COPZ1: variants seen among roughly 807,000 people sequenced by gnomAD.
COPZ1 encodes coat protein complex I subunit zeta 1.
In COPZ1, 4 loss-of-function variants were observed where a neutral mutation model predicts 31.7. The observed-to-expected ratio is 0.13, with a 90% confidence interval of 0.06 to 0.29. COPZ1 has a LOEUF of 0.29. COPZ1 is among the 10% of genes least tolerant of loss of function. The pLI, the probability that COPZ1 is intolerant of heterozygous loss-of-function variation, is 1.00. For missense variants in COPZ1, 156 were observed against 211.5 expected (o/e 0.74, Z 1.63); for synonymous variants, 74 against 79.0 (o/e 0.94, Z 0.33).
chr12:54,326,362 G>T (rs184603330), intron 1 of COPZ1, among the ~76,000 whole-genome samples: 1 of 145,226 alleles, frequency 6.9e-6, no homozygotes, highest in East Asian at 2.0e-4. Flanking sequence ...GGATGGTCTC[G>T]ATCTCCTGAC....
At chr12:54,338,837 C>T (rs1953918495) in intron 1 of COPZ1, among the ~76,000 whole-genome samples, 1 of 151,970 alleles carries the variant, frequency 6.6e-6, no homozygotes, top group Admixed American at 6.6e-5. Flanking sequence ...AGACTGGGTT[C>T]CTTTTACTTC....
chr12:54,347,434 G>GT (rs150396416), intron 5 of COPZ1, among the ~76,000 whole-genome samples: 1,729 of 152,198 alleles, frequency 0.011, 45 homozygotes, highest in African/African-American at 0.04. Flanking sequence ...TGTTTATATT[G>GT]TTTTTTTCCA....
intron 1 of COPZ1, among the ~76,000 whole-genome samples, chr12:54,338,398 A>G (rs1289500312): frequency 1.3e-5 from 2 of 152,124 alleles, no homozygotes; most frequent in African/African-American, 4.8e-5. Flanking sequence ...TCTACTTGTG[A>G]CCTTTTAAGA....
At position 54,328,338 on chromosome 12, in the gene COPZ1, G is replaced by A. The variant is rs1407806520; in HGVS notation, c.18+3157G>A. On this transcript the variant is annotated intron_variant, in intron 1 of 8. Coordinates refer to ENST00000262061, the MANE Select transcript of COPZ1 (RefSeq NM_016057.3). ...TGTAAATCCAGCACTTTGGGAGGCC[G>A]AGGTGGGCGGATCACGAGGTCAGGA... Among the ~76,000 whole-genome samples, 4 of 151,130 alleles carry A rather than the reference G, an allele frequency of 2.6e-5. No individual in the cohort carries two copies. In the South Asian group the frequency reaches 8.3e-4, roughly 32 times the overall value.
intron 8 of COPZ1, chr12:54,350,034 A>G (rs1273076160): frequency 3.3e-6 from 2 of 597,292 alleles, no homozygotes; most frequent in Admixed American, 5.9e-5. Context: ...CTGGAAATGC[A>G]TATTCTAGAA....
At chr12:54,329,476 C>A (rs1019427323) in intron 1 of COPZ1, among the ~76,000 whole-genome samples, 1 of 151,998 alleles carries the variant, frequency 6.6e-6, no homozygotes, top group Admixed American at 6.6e-5. Context: ...CCCAGCTACA[C>A]GGGAGACTGA....
At chr12:54,345,639 G>C (rs1023710595) in intron 5 of COPZ1, 124 bp downstream of exon 5, 1 of 729,696 alleles carries the variant, frequency 1.4e-6, no homozygotes, top group Non-Finnish European at 2.3e-6. Flanking sequence ...ATTGGCAAAG[G>C]CTCCAGGGAG....
At chr12:54,331,328 C>T (rs951024457) in intron 1 of COPZ1, among the ~76,000 whole-genome samples, 2 of 151,836 alleles carry the variant, frequency 1.3e-5, no homozygotes, top group African/African-American at 4.8e-5. Context: ...TTACAGGCCC[C>T]CACCACCATG....
In COPZ1 at chr12:54,325,159, G is replaced by A. The variant is rs770105183; in HGVS notation, c.-5G>A. On this transcript the variant is annotated 5_prime_UTR_variant, in exon 1 of 9. Coordinates refer to ENST00000262061, the MANE Select transcript of COPZ1 (RefSeq NM_016057.3). ...GCTCCACGTCGGCACCAGCTGCGGG[G>A]CAAGATGGAGGCGCTGATTTTGGTA... 6.4e-7 allele frequency: 1 copy of A among 1,563,090 alleles called. No individual in the cohort carries two copies. The highest frequency in any genetic ancestry group is 1.2e-5 in the South Asian group (1 of 84,896).
chr12:54,335,650 G>T (rs1039620254), intron 1 of COPZ1, among the ~76,000 whole-genome samples: 1 of 151,566 alleles, frequency 6.6e-6, no homozygotes. Context: ...AGTAGACAAT[G>T]AAGAACTTTT....
rs745754805 is a variant in COPZ1, at chr12:54,350,504, A to C, written c.515A>C (p.Lys172Thr). ...QVLQSAKEQI[K>T]WSLLR Reference sequence around the variant, plus strand: ...CTGCAGTCAGCCAAAGAACAGATCAAGTGGTCACTCCTTCGGTGAAGACCT... The same window carrying C: ...CTGCAGTCAGCCAAAGAACAGATCACGTGGTCACTCCTTCGGTGAAGACCT... Residue 172 changes from lysine to threonine, a missense_variant, in exon 9 of 9, where the codon AAG becomes ACG. Physicochemically the swap from Lys to Thr is moderately conservative, Grantham distance 78 (BLOSUM62 -1). Coordinates refer to ENST00000262061, the MANE Select transcript of COPZ1 (RefSeq NM_016057.3). 1 of 1,614,126 alleles carries C rather than the reference A, an allele frequency of 6.2e-7. No individual in the cohort carries two copies. Among genetic ancestry groups the C allele is most frequent in the East Asian group, 2.2e-5 (1 of 44,890 alleles).
intron 1 of COPZ1, among the ~76,000 whole-genome samples, chr12:54,325,950 T>C (rs1300412168): frequency 1.4e-5 from 2 of 147,780 alleles, no homozygotes; most frequent in African/African-American, 2.5e-5. Flanking sequence ...TCCCGCGTAG[T>C]TGGGACTATA....
At chr12:54,345,357 A>C (rs1565596279) in intron 4 of COPZ1, 103 bp from the exon 5 acceptor site, 2 of 772,556 alleles carry the variant, frequency 2.6e-6, no homozygotes, top group Non-Finnish European at 4.4e-6. Flanking sequence ...CCTTTGTGAA[A>C]GCCTGTGTCT....
At chr12:54,348,892 G>T (rs1027245162) in intron 7 of COPZ1, among the ~76,000 whole-genome samples, 1 of 152,152 alleles carries the variant, frequency 6.6e-6, no homozygotes, top group Non-Finnish European at 1.5e-5. Context: ...AAGGCCCCAG[G>T]TCAGCTGAGG....
chr12:54,349,745 T>A, intron 8 of COPZ1, 87 bp downstream of exon 8: 2 of 1,094,486 alleles, frequency 1.8e-6, no homozygotes, highest in Non-Finnish European at 2.8e-6. Flanking sequence ...CAAATCTGAG[T>A]GAAACTAGAG....
rs72213270 is a variant in COPZ1 at position 54,339,257 on chromosome 12, TAAAAAAAAAAA to T, written c.19-1280_19-1270del. On this transcript the variant is annotated intron_variant, in intron 1 of 8. Transcript: ENST00000262061. ...AACAATACAGTGACACCTTTTCTCT[TAAAAAAAAAAA>T]AAAAAAAAAGAAAGTCAAGGAATGT... is the stretch of plus-strand genomic sequence containing the variant. 2.2e-4 allele frequency among the ~76,000 whole-genome samples: 27 copies of T among 120,224 alleles called. 1 individual carries two copies. In the East Asian group the frequency reaches 4.6e-3, roughly 20 times the overall value. The allele number at this position is 120,224 out of a possible 152,430, so 78.9% of individuals were successfully genotyped here. A position where few individuals can be genotyped will look rare whatever the true frequency, so the allele number is the denominator to read the frequency against.
At position 54,351,566 on chromosome 12, in the gene COPZ1, G is replaced by C. The variant is rs1229749605; in HGVS notation, c.*1043G>C. The C allele has an allele frequency of 1.3e-5, 2 of 152,126 alleles. No individual in the cohort carries two copies. The highest frequency in any genetic ancestry group is 4.8e-5 in the African/African-American group (2 of 41,392). The allele number at this position is 152,126 out of a possible 1,614,324, so 9.4% of individuals were successfully genotyped here. A position where few individuals can be genotyped will look rare whatever the true frequency, so the allele number is the denominator to read the frequency against. Reference sequence around the variant, plus strand: ...GTGCTTTTCTTCATAAAACCTTTGGGGTTTGGATTTCCCCAGGAAGATGGA... The same window carrying C: ...GTGCTTTTCTTCATAAAACCTTTGGCGTTTGGATTTCCCCAGGAAGATGGA... On this transcript the variant is annotated 3_prime_UTR_variant, in exon 9 of 9. Transcript: ENST00000262061.
chr12:54,347,597 A>G (rs929221907), intron 5 of COPZ1, among the ~76,000 whole-genome samples, 170 bp from the exon 6 acceptor site: 1 of 152,222 alleles, frequency 6.6e-6, no homozygotes, highest in Admixed American at 6.5e-5. Context: ...GCAAACGAGT[A>G]GAAAGGGGTT....
intron 1 of COPZ1, among the ~76,000 whole-genome samples, chr12:54,328,231 G>A (rs946157762): frequency 7.8e-5 from 11 of 140,680 alleles, no homozygotes; most frequent in Admixed American, 5.1e-4. Context: ...AGCCGAGATC[G>A]CGCCACTGCA....
Sources: allele counts gnomAD v4.1 joint callset (sites outside exome capture counted in the v4.1 genomes callset), GRCh38; gene constraint gnomAD v4.1.1; transcripts MANE v1.5; gene names NCBI Gene and HGNC (gene_info 2026-07-23, HGNC 2026-07-21).